The following EYS variants were observed in gnomAD, a reference collection of about 807,000 sequenced individuals.
The protein encoded by EYS is protein eyes shut homolog.
Under a neutral mutation model 282.1 loss-of-function variants are expected in EYS, and 250 were observed. The ratio of observed to expected loss-of-function variants is 0.89; its 90% CI spans 0.80 to 0.98. The LOEUF (loss-of-function observed/expected upper bound fraction) is 0.98, where lower values mean the gene tolerates loss of function less well. Ranked by LOEUF, EYS falls within the 50% of genes least tolerant of loss-of-function variation. The pLI is 0.00. For missense variants in EYS, 4,016 were observed against 3,709.0 expected (o/e 1.08, Z -2.15); for synonymous variants, 1,355 against 1,282.9 (o/e 1.06, Z -1.20).
At chr6:64,805,184 A>G (rs566787007) in intron 22 of EYS, among the ~76,000 whole-genome samples, 17 of 152,074 alleles carry the variant, frequency 1.1e-4, no homozygotes, top group Middle Eastern at 3.2e-3. Flanking sequence ...CACTTGGTGA[A>G]TTAAACGAGT....
rs1204839871 is a variant in EYS at position 64,517,996 on chromosome 6, G to A, written c.5644+72227C>T. On this transcript the variant is annotated intron_variant, in intron 26 of 42. Transcript: ENST00000503581. The stretch of plus-strand genomic sequence containing the variant: ...TCCAAAGGTTACTTGCCTTTTCTTT[G>A]TAATCTAGCCATTTCATTAACAGAA... Among the ~76,000 whole-genome samples the A allele has an allele frequency of 2.6e-5, 4 of 151,730 alleles. 1 individual carries two copies. Among genetic ancestry groups the A allele is most frequent in the Non-Finnish European group, 5.9e-5 (4 of 67,828 alleles).
intron 5 of EYS, among the ~76,000 whole-genome samples, chr6:65,445,218 A>C (rs2150397353): frequency 6.6e-6 from 1 of 152,010 alleles, no homozygotes; most frequent in African/African-American, 2.4e-5. Flanking sequence ...ATCCACCATG[A>C]TTGAATATTT....
chr6:65,209,534 G>A (rs545493710), intron 12 of EYS, among the ~76,000 whole-genome samples: 1 of 151,812 alleles, frequency 6.6e-6, no homozygotes, highest in African/African-American at 2.4e-5. Context: ...CCAATTTAAT[G>A]TTTTATGCAT....
At chr6:64,387,893 G>A (rs1034036263) in intron 29 of EYS, among the ~76,000 whole-genome samples, 8 of 151,740 alleles carry the variant, frequency 5.3e-5, no homozygotes, top group South Asian at 2.1e-4. Context: ...TGTATACTAC[G>A]GAGTCATGAT....
At chr6:64,405,197 G>A (rs1391292457) in intron 28 of EYS, among the ~76,000 whole-genome samples, 3 of 152,076 alleles carry the variant, frequency 2.0e-5, no homozygotes, top group African/African-American at 7.2e-5. Context: ...GAAGTGACAT[G>A]TCTAAAGTTA....
chr6:64,430,918 A>G (rs1387379238), intron 28 of EYS, among the ~76,000 whole-genome samples: 1 of 152,200 alleles, frequency 6.6e-6, no homozygotes, highest in Non-Finnish European at 1.5e-5. Flanking sequence ...TAAATAAATG[A>G]ACTTTTCACA....
At chr6:64,187,370 G>A (rs1703239274) in intron 31 of EYS, among the ~76,000 whole-genome samples, 1 of 152,034 alleles carries the variant, frequency 6.6e-6, no homozygotes, top group African/African-American at 2.4e-5. Flanking sequence ...TAATTCTTAA[G>A]TTACTATGCC....
chr6:64,293,564 A>C (rs1231935582), intron 30 of EYS, among the ~76,000 whole-genome samples: 2 of 152,146 alleles, frequency 1.3e-5, no homozygotes, highest in Non-Finnish European at 2.9e-5. Context: ...CATTATCCTT[A>C]TATGGAAAAA....
At chr6:65,179,210 T>C (rs1464439981) in intron 12 of EYS, among the ~76,000 whole-genome samples, 1 of 150,880 alleles carries the variant, frequency 6.6e-6, no homozygotes, top group East Asian at 2.0e-4. Flanking sequence ...ATAACTAAGA[T>C]CATAGCAGAA....
chr6:65,421,721 G>A (rs1490307430), intron 5 of EYS, among the ~76,000 whole-genome samples: 1 of 151,828 alleles, frequency 6.6e-6, no homozygotes, highest in Non-Finnish European at 1.5e-5. Flanking sequence ...GAAACACTTA[G>A]AGGCCATTGT....
intron 19 of EYS, among the ~76,000 whole-genome samples, chr6:64,842,679 T>G (rs1200279202): frequency 6.6e-6 from 1 of 152,032 alleles, no homozygotes; most frequent in African/African-American, 2.4e-5. Context: ...TTGCTACATT[T>G]TAGCAAAGAG....
At chr6:64,620,602 A>C (rs2149852289) in intron 23 of EYS, among the ~76,000 whole-genome samples, 1 of 152,344 alleles carries the variant, frequency 6.6e-6, no homozygotes, top group East Asian at 1.9e-4. Context: ...TAGTATGAAG[A>C]AACACGTAAG....
At chr6:65,618,367 G>A (rs1433772977) in intron 2 of EYS, among the ~76,000 whole-genome samples, 2 of 152,240 alleles carry the variant, frequency 1.3e-5, no homozygotes, top group Non-Finnish European at 2.9e-5. Context: ...AGAAGTGTCT[G>A]TTCATGTCCT....
intron 12 of EYS, among the ~76,000 whole-genome samples, chr6:65,088,108 G>T (rs1231327872): frequency 2.6e-5 from 4 of 152,140 alleles, no homozygotes; most frequent in South Asian, 2.1e-4. Flanking sequence ...CTAATCTGGA[G>T]CTGTGAGTCA....
intron 26 of EYS, among the ~76,000 whole-genome samples, chr6:64,543,896 G>A (rs1692707135): frequency 6.6e-6 from 1 of 152,016 alleles, no homozygotes. Flanking sequence ...AGAGAAACTT[G>A]TAGGTTTAGT....
intron 12 of EYS, among the ~76,000 whole-genome samples, chr6:65,226,981 TCC>T (rs2150264357): frequency 6.6e-6 from 1 of 152,192 alleles, no homozygotes; most frequent in East Asian, 1.9e-4. Flanking sequence ...ACGCCTGTAA[TCC>T]CAGCACTTTG....
At chr6:65,070,757 A>T (rs1773880749) in intron 12 of EYS, among the ~76,000 whole-genome samples, 1 of 151,816 alleles carries the variant, frequency 6.6e-6, no homozygotes, top group African/African-American at 2.4e-5. Flanking sequence ...GCATCGCATG[A>T]TACCACTCAT....
At chr6:65,290,099 C>A (rs72884819) in intron 12 of EYS, among the ~76,000 whole-genome samples, 5,430 of 150,928 alleles carry the variant, frequency 0.036, 153 homozygotes, top group Non-Finnish European at 0.056. Flanking sequence ...CAAAGCAATA[C>A]CCAAAGTATT....
intron 22 of EYS, among the ~76,000 whole-genome samples, chr6:64,727,562 T>A (rs1381347645): frequency 6.6e-6 from 1 of 152,188 alleles, no homozygotes; most frequent in Non-Finnish European, 1.5e-5. Context: ...GTAAACTATA[T>A]AATTATTTTC....
Sources: allele counts gnomAD v4.1 joint callset (sites outside exome capture counted in the v4.1 genomes callset), GRCh38; gene constraint gnomAD v4.1.1; transcripts MANE v1.5; gene names NCBI Gene and HGNC (gene_info 2026-07-23, HGNC 2026-07-21).